The following CNTNAP2 variants were observed in gnomAD, a reference collection of about 807,000 sequenced individuals.
CNTNAP2 encodes contactin associated protein 2.
A neutral mutation model predicts 155.2 loss-of-function variants in CNTNAP2; 98 were observed. The observed-to-expected ratio is 0.63, with a 90% CI of 0.54 to 0.75. CNTNAP2 has a LOEUF of 0.75. CNTNAP2 is among the 30% of genes least tolerant of loss of function. The pLI is 0.00. For missense variants in CNTNAP2, 1,727 were observed against 1,688.1 expected (o/e 1.02, Z -0.40); for synonymous variants, 651 against 631.2 (o/e 1.03, Z -0.47).
chr7:146,706,209 C>A (rs1434268928), intron 1 of CNTNAP2, among the ~76,000 whole-genome samples: 3 of 152,072 alleles, frequency 2.0e-5, no homozygotes, highest in Non-Finnish European at 4.4e-5. Context: ...GATGAAGTAA[C>A]CTTTTTCTCT....
Position 147,962,927 on chromosome 7 carries a change from T to C in CNTNAP2, c.2256-14935T>C, listed in dbSNP as rs536972128. On this transcript the variant is annotated intron_variant, in intron 14 of 23. Coordinates refer to ENST00000361727, the MANE Select transcript of CNTNAP2 (RefSeq NM_014141.6). The stretch of plus-strand genomic sequence containing the variant: ...GGGAAAATATGGATGTCATAAATTA[T>C]GTTATCAAAATCTTGCCTTCCAATC... Among the ~76,000 whole-genome samples, 5 of 152,312 alleles carry C rather than the reference T, an allele frequency of 3.3e-5. No individual in the cohort carries two copies. In the South Asian group the frequency reaches 1.0e-3, roughly 32 times the overall value.
intron 1 of CNTNAP2, among the ~76,000 whole-genome samples, chr7:146,566,264 A>T (rs1459509470): frequency 6.6e-6 from 1 of 152,228 alleles, no homozygotes; most frequent in Non-Finnish European, 1.5e-5. Flanking sequence ...TCCTAAGGGG[A>T]GATGACCTTT....
chr7:146,494,032 A>T (rs1358957619), intron 1 of CNTNAP2, among the ~76,000 whole-genome samples: 1 of 152,158 alleles, frequency 6.6e-6, no homozygotes, highest in South Asian at 2.1e-4. Context: ...TAAATAAAAA[A>T]TTTAAAAAAT....
At chr7:146,896,605 T>G (rs1795882940) in intron 3 of CNTNAP2, among the ~76,000 whole-genome samples, 1 of 152,112 alleles carries the variant, frequency 6.6e-6, no homozygotes, top group Admixed American at 6.6e-5. Context: ...TCAAATATTA[T>G]GTTGGTGCAA....
intron 11 of CNTNAP2, among the ~76,000 whole-genome samples, chr7:147,561,553 G>T (rs1280601252): frequency 4.6e-5 from 7 of 152,174 alleles, no homozygotes; most frequent in Non-Finnish European, 1.5e-5. Context: ...ACACAAACTA[G>T]ATTTGATGTA....
intron 14 of CNTNAP2, among the ~76,000 whole-genome samples, chr7:147,913,655 G>A (rs76013082): frequency 2.0e-5 from 3 of 152,336 alleles, no homozygotes; most frequent in East Asian, 1.9e-4. Flanking sequence ...AGAAGGTACT[G>A]CACGATGGCA....
intron 8 of CNTNAP2, among the ~76,000 whole-genome samples, chr7:147,202,857 A>ATAT (rs200767699): frequency 6.7e-6 from 1 of 150,084 alleles, no homozygotes; most frequent in African/African-American, 2.4e-5. Context: ...TAATTAAAAA[A>ATAT]AAATATATAT....
chr7:148,238,304 G>A (rs756118106), intron 20 of CNTNAP2, among the ~76,000 whole-genome samples: 10 of 152,104 alleles, frequency 6.6e-5, no homozygotes, highest in African/African-American at 1.7e-4. Context: ...AGCTGAGATC[G>A]TGCCACTGCA....
chr7:148,351,483 C>G (rs1798424020), intron 21 of CNTNAP2, among the ~76,000 whole-genome samples: 1 of 151,814 alleles, frequency 6.6e-6, no homozygotes, highest in Non-Finnish European at 1.5e-5. Context: ...AGTGGCTCAT[C>G]CCTGTAATCC....
chr7:146,736,419 T>A (rs1801621563), intron 1 of CNTNAP2, among the ~76,000 whole-genome samples: 1 of 152,168 alleles, frequency 6.6e-6, no homozygotes, highest in African/African-American at 2.4e-5. Context: ...TGTGAGGATT[T>A]GAGGATTGAT....
At position 147,642,619 on chromosome 7, in the gene CNTNAP2, A is replaced by G. The variant is rs118107831; in HGVS notation, c.2098+3313A>G. On this transcript the variant is annotated intron_variant, in intron 13 of 23. Coordinates refer to ENST00000361727, the MANE Select transcript of CNTNAP2 (RefSeq NM_014141.6). Reference sequence around the variant, plus strand: ...ACTCTGTTAGTTGCATTTCCTAATAATGAGATGAAGACATTTTTCTTTAAC... The same window carrying G: ...ACTCTGTTAGTTGCATTTCCTAATAGTGAGATGAAGACATTTTTCTTTAAC... 6.9e-3 allele frequency among the ~76,000 whole-genome samples: 1,046 copies of G among 152,264 alleles called. 6 individuals carry two copies. Among genetic ancestry groups the G allele is most frequent in the Non-Finnish European group, 9.5e-3 (645 of 68,014 alleles).
chr7:146,893,645 G>T (rs576135529), intron 3 of CNTNAP2, among the ~76,000 whole-genome samples: 1 of 152,078 alleles, frequency 6.6e-6, no homozygotes, highest in Admixed American at 6.6e-5. Flanking sequence ...AAGAAGTTTG[G>T]TGAATGATAG....
chr7:146,906,788 C>A (rs1337080674), intron 3 of CNTNAP2, among the ~76,000 whole-genome samples: 2 of 152,040 alleles, frequency 1.3e-5, no homozygotes, highest in Non-Finnish European at 2.9e-5. Flanking sequence ...AGCAACGGAA[C>A]AAAGCTGGAT....
intron 13 of CNTNAP2, among the ~76,000 whole-genome samples, chr7:147,792,795 T>C (rs574146519): frequency 6.6e-6 from 1 of 152,288 alleles, no homozygotes; most frequent in South Asian, 2.1e-4. Context: ...TCAAAGCAGC[T>C]GCACCATTTT....
intron 3 of CNTNAP2, among the ~76,000 whole-genome samples, chr7:146,898,538 G>T (rs1472938737): frequency 6.6e-6 from 1 of 151,632 alleles, no homozygotes; most frequent in East Asian, 1.9e-4. Context: ...ACTGCCTAAG[G>T]AAATGGCATC....
rs556825963 is a variant in CNTNAP2 at position 146,855,264 on chromosome 7, G to A, written c.402+15360G>A. On this transcript the variant is annotated intron_variant, in intron 3 of 23. Coordinates refer to ENST00000361727, the MANE Select transcript of CNTNAP2 (RefSeq NM_014141.6). Reference sequence around the variant, plus strand: ...GTCCAATAGAACAATAGCTATAGAGGGGGATTGGCAATACCCAGCAGAACT... The same window carrying A: ...GTCCAATAGAACAATAGCTATAGAGAGGGATTGGCAATACCCAGCAGAACT... Among the ~76,000 whole-genome samples the A allele has an allele frequency of 3.3e-5, 5 of 152,158 alleles. No individual in the cohort carries two copies. In the East Asian group the frequency reaches 7.7e-4, roughly 24 times the overall value.
chr7:148,064,023 G>A (rs187262306), intron 15 of CNTNAP2, among the ~76,000 whole-genome samples: 66 of 152,024 alleles, frequency 4.3e-4, no homozygotes, highest in Middle Eastern at 3.4e-3. Context: ...TTGCTTTGTC[G>A]AAGATCAGTT....
At chr7:146,518,666 T>C (rs528606714) in intron 1 of CNTNAP2, among the ~76,000 whole-genome samples, 1 of 151,956 alleles carries the variant, frequency 6.6e-6, no homozygotes, top group East Asian at 1.9e-4. Flanking sequence ...AGTAGGAGCA[T>C]AAACAGAGTG....
chr7:147,772,309 C>T (rs1415032664), intron 13 of CNTNAP2, among the ~76,000 whole-genome samples: 9 of 149,942 alleles, frequency 6.0e-5, no homozygotes, highest in South Asian at 2.1e-4. Context: ...CCCAGCTACT[C>T]GGGAGGCTGA....
Sources: gnomAD v4.1 joint callset for allele counts (sites outside exome capture counted in the v4.1 genomes callset) on GRCh38, gnomAD v4.1.1 for gene constraint, MANE v1.5 for transcripts, NCBI Gene and HGNC (gene_info 2026-07-23, HGNC 2026-07-21) for gene names.